The following ARHGEF10L variants were observed in gnomAD, a reference collection of about 807,000 sequenced individuals.
ARHGEF10L encodes the protein Rho guanine nucleotide exchange factor 10 like.
ARHGEF10L carries 69 observed loss-of-function variants against 141.2 expected under a neutral mutation model. The observed-to-expected ratio is 0.49, with a 90% confidence interval of 0.40 to 0.60. The LOEUF (loss-of-function observed/expected upper bound fraction) is 0.60. ARHGEF10L is among the 20% of genes least tolerant of loss of function. The pLI, the probability that ARHGEF10L is intolerant of heterozygous loss-of-function variation, is 0.00. For synonymous variants in ARHGEF10L, 711 were observed against 718.5 expected, an observed-to-expected ratio of 0.99 and a Z score of 0.17; for missense variants, 1,482 against 1,734.3, an observed-to-expected ratio of 0.85 and a Z score of 2.58.
chr1:17,668,960 T>C (rs1481763746), intron 26 of ARHGEF10L, among the ~76,000 whole-genome samples: 1 of 152,124 alleles, frequency 6.6e-6, no homozygotes, highest in Non-Finnish European at 1.5e-5. Context: ...GGCCACTGCA[T>C]GGCCAGCCAG....
intron 1 of ARHGEF10L, among the ~76,000 whole-genome samples, chr1:17,570,393 T>G (rs905475758): frequency 3.3e-5 from 5 of 151,938 alleles, no homozygotes; most frequent in African/African-American, 1.2e-4. Context: ...CAGCAGTGTG[T>G]GGGTATCTGG....
At chr1:17,661,641 T>G (rs1571345447) in intron 25 of ARHGEF10L, among the ~76,000 whole-genome samples, 1 of 152,204 alleles carries the variant, frequency 6.6e-6, no homozygotes, top group East Asian at 1.9e-4. Flanking sequence ...GGGGGGTGTT[T>G]TCTCAGCATC....
intron 4 of ARHGEF10L, among the ~76,000 whole-genome samples, chr1:17,592,740 T>C (rs1265309171): frequency 6.6e-6 from 1 of 151,682 alleles, no homozygotes; most frequent in Non-Finnish European, 1.5e-5. Flanking sequence ...TAGTCTGGAG[T>C]TGTTTGGAAT....
chr1:17,625,204 G>A lies in ARHGEF10L; in HGVS notation c.1317+701G>A, dbSNP rs1435442970. Among the ~76,000 whole-genome samples the A allele has an allele frequency of 6.6e-6, 1 of 152,244 alleles. No homozygotes were observed. Among genetic ancestry groups the A allele is most frequent in the African/African-American group, 2.4e-5 (1 of 41,464 alleles). On this transcript the variant is annotated intron_variant, in intron 13 of 28. Coordinates refer to ENST00000361221, the MANE Select transcript of ARHGEF10L (RefSeq NM_018125.4). This position sits in a 1 kb window ranked among gnomAD's most constrained non-coding sequence, Gnocchi z 4.5. Reference sequence around the variant, plus strand: ...CCCTGGCGGGGGATGGTGGGATTGTGCCAAATAAAGACAGAGGAGAGCCTA... The same window carrying A: ...CCCTGGCGGGGGATGGTGGGATTGTACCAAATAAAGACAGAGGAGAGCCTA...
At position 17,621,148 on chromosome 1, in the gene ARHGEF10L, G is replaced by C. The variant is rs1463074165; in HGVS notation, c.943-716G>C. Among the ~76,000 whole-genome samples the C allele has an allele frequency of 6.6e-6, 1 of 152,210 alleles. No individual in the cohort carries two copies. Among genetic ancestry groups the C allele is most frequent in the East Asian group, 1.9e-4 (1 of 5,190 alleles). ...GTGGGGGGACGGTACCCCAAGGCCTGTCTTGTGGAAGAGGGATAGCTCAAG... is the reference window on the plus strand; with the variant it reads ...GTGGGGGGACGGTACCCCAAGGCCTCTCTTGTGGAAGAGGGATAGCTCAAG... On this transcript the variant is annotated intron_variant, in intron 10 of 28. Transcript: ENST00000361221. The surrounding 1 kb of genome is among the most constrained non-coding windows in gnomAD (Gnocchi z 4.1).
intron 25 of ARHGEF10L, among the ~76,000 whole-genome samples, chr1:17,660,333 A>T (rs2062541275): frequency 1.3e-5 from 2 of 152,130 alleles, no homozygotes; most frequent in African/African-American, 4.8e-5. Context: ...TTGAGTCCTC[A>T]CTGTGAGAGC....
intron 1 of ARHGEF10L, among the ~76,000 whole-genome samples, chr1:17,540,986 A>G (rs2076707324): frequency 6.6e-6 from 1 of 152,206 alleles, no homozygotes; most frequent in African/African-American, 2.4e-5. Context: ...AAAGCAGGTC[A>G]GCCTCCGGAA....
intron 2 of ARHGEF10L, among the ~76,000 whole-genome samples, chr1:17,581,981 C>G (rs541950928): frequency 6.6e-6 from 1 of 152,230 alleles, no homozygotes; most frequent in East Asian, 1.9e-4. Flanking sequence ...TATTTTCTCA[C>G]AAGGACCGGG....
chr1:17,687,859 TGGGGCTTTAATTTG>T (rs767569124), intron 27 of ARHGEF10L, 112 bp downstream of exon 27: 34 of 1,228,280 alleles, frequency 2.8e-5, no homozygotes, highest in Non-Finnish European at 3.6e-5. Flanking sequence ...CCCTGAAAAC[TGGGGCTTTAATTTG>T]GGGCACTCCC....
At chr1:17,540,420 G>A (rs923710835) in intron 1 of ARHGEF10L, among the ~76,000 whole-genome samples, 2 of 152,090 alleles carry the variant, frequency 1.3e-5, no homozygotes, top group African/African-American at 2.4e-5. Context: ...GAGGCGGAAC[G>A]GGACGGCCTC....
chr1:17,605,058 G>C (rs2081047074), intron 6 of ARHGEF10L, among the ~76,000 whole-genome samples: 1 of 152,196 alleles, frequency 6.6e-6, no homozygotes, highest in Non-Finnish European at 1.5e-5. Flanking sequence ...TGACAAGGCT[G>C]CACAAAGCTC....
At chr1:17,655,404 C>T (rs866728629) in intron 23 of ARHGEF10L, among the ~76,000 whole-genome samples, 34 of 151,952 alleles carry the variant, frequency 2.2e-4, no homozygotes, top group African/African-American at 6.8e-4. Context: ...ATTCATTCAC[C>T]GATACATCCT....
rs538501129 is a variant in ARHGEF10L at position 17,623,964 on chromosome 1, G to A, written c.1201-423G>A. Among the ~76,000 whole-genome samples the A allele has an allele frequency of 8.2e-4, 125 of 152,306 alleles. No homozygotes were observed. The highest frequency in any genetic ancestry group is 1.7e-3 in the South Asian group (8 of 4,820). On this transcript the variant is annotated intron_variant, in intron 12 of 28. Transcript: ENST00000361221. This position sits in a 1 kb window ranked among gnomAD's most constrained non-coding sequence, Gnocchi z 4.7. ...CCCTTGGTAACTCAACTCTGGGCAC[G>A]CTGCCCGGTGAGAGGCCAGGAGCAC...
chr1:17,626,787 G>T (rs1047895761), intron 14 of ARHGEF10L, among the ~76,000 whole-genome samples: 9 of 152,162 alleles, frequency 5.9e-5, no homozygotes, highest in African/African-American at 2.2e-4. Context: ...ACAGCCTCCG[G>T]CAACCACCAT....
intron 2 of ARHGEF10L, 69 bp from the exon 3 acceptor site, chr1:17,587,391 C>T (rs1409942758): frequency 9.3e-6 from 14 of 1,511,888 alleles, no homozygotes; most frequent in African/African-American, 4.2e-5. Flanking sequence ...TGCCCACCTA[C>T]CCCAGCCATC....
chr1:17,623,320 C>A lies in ARHGEF10L; in HGVS notation c.1200+145C>A. ...TTAGAGGGTGGCAGGGTCTTCTGGG[C>A]CTGATCTAGGGGTGAGTGTGACACC... On this transcript the variant is annotated intron_variant, in intron 12 of 28. Transcript: ENST00000361221. The surrounding 1 kb of genome is among the most constrained non-coding windows in gnomAD (Gnocchi z 4.7). 2.0e-6 allele frequency: 2 copies of A among 988,532 alleles called. No homozygotes were observed. The highest frequency in any genetic ancestry group is 1.6e-5 in the African/African-American group (1 of 60,846). 61.2% of individuals were successfully genotyped at this position (988,532 alleles called of 1,614,324 possible). A position where few individuals can be genotyped will look rare whatever the true frequency, so the allele number is the denominator to read the frequency against.
At position 17,661,373 on chromosome 1, in the gene ARHGEF10L, C is replaced by T. The variant is rs114415357; in HGVS notation, c.2861-3074C>T. On this transcript the variant is annotated intron_variant, in intron 25 of 28. Coordinates refer to ENST00000361221, the MANE Select transcript of ARHGEF10L (RefSeq NM_018125.4). Reference sequence around the variant, plus strand: ...GATTACAGGCGTGAGCCACCGTACCCGGCCTTTATGAGTTTTTTGATCTAT... The same window carrying T: ...GATTACAGGCGTGAGCCACCGTACCTGGCCTTTATGAGTTTTTTGATCTAT... 1.5e-3 allele frequency among the ~76,000 whole-genome samples: 233 copies of T among 152,330 alleles called. 1 individual carries two copies. Among genetic ancestry groups the T allele is most frequent in the African/African-American group, 5.0e-3 (208 of 41,582 alleles).
At chr1:17,566,830 G>A (rs2100282370) in intron 1 of ARHGEF10L, among the ~76,000 whole-genome samples, 1 of 152,288 alleles carries the variant, frequency 6.6e-6, no homozygotes, top group Admixed American at 6.5e-5. Flanking sequence ...GTGCTTCCTG[G>A]GGCACAATAA....
intron 8 of ARHGEF10L, 54 bp downstream of exon 8, chr1:17,613,228 C>A: frequency 6.8e-7 from 1 of 1,467,628 alleles, no homozygotes. Flanking sequence ...CCAGCTGCAG[C>A]TACCTCCAAG....
Sources: allele counts gnomAD v4.1 joint callset (sites outside exome capture counted in the v4.1 genomes callset), GRCh38; gene constraint gnomAD v4.1.1; non-coding constraint Gnocchi (gnomAD v3.1); transcripts MANE v1.5; gene names NCBI Gene and HGNC (gene_info 2026-07-23, HGNC 2026-07-21).